KLF12: variants seen among roughly 807,000 people sequenced by gnomAD.
KLF12 encodes the protein KLF transcription factor 12.
KLF12 carries 9 observed loss-of-function variants against 37.8 expected under a neutral mutation model. That is an observed-to-expected ratio of 0.24 (90% CI 0.14 to 0.42). The LOEUF is 0.42. Among genes scored for constraint, KLF12 ranks in the 10% least tolerant of loss-of-function variants. The probability of loss-of-function intolerance (pLI) is 1.00; values close to 1 mark genes in which losing one functional copy is unlikely to be tolerated. For missense variants in KLF12, 411 were observed against 516.0 expected (o/e 0.80, Z 1.97); for synonymous variants, 208 against 202.1 (o/e 1.03, Z -0.25).
chr13:73,890,247 G>C (rs1489117474), intron 3 of KLF12, among the ~76,000 whole-genome samples: 1 of 151,798 alleles, frequency 6.6e-6, no homozygotes, highest in Non-Finnish European at 1.5e-5. Context: ...GCTTTATTTT[G>C]GGCTATATTT....
chr13:73,724,700 A>T (rs1353289225), intron 6 of KLF12, among the ~76,000 whole-genome samples: 4 of 152,208 alleles, frequency 2.6e-5, no homozygotes, highest in Non-Finnish European at 4.4e-5. Flanking sequence ...TACCAATATG[A>T]CTCAAATTCA....
At chr13:74,276,941 C>A in the KLF12 span, among the ~76,000 whole-genome samples, 1 of 152,290 alleles carries the variant, frequency 6.6e-6, no homozygotes, top group African/African-American at 2.4e-5. Flanking sequence ...ACTTCAGGTA[C>A]CCACTTCTGC....
At chr13:73,743,549 G>A (rs1045064003) in intron 6 of KLF12, among the ~76,000 whole-genome samples, 9 of 152,116 alleles carry the variant, frequency 5.9e-5, no homozygotes, top group Admixed American at 3.9e-4. Flanking sequence ...AATTAAGGCA[G>A]GGTTGGGGGA....
intron 5 of KLF12, among the ~76,000 whole-genome samples, chr13:73,778,633 G>A (rs1880773288): frequency 6.6e-6 from 1 of 152,128 alleles, no homozygotes; most frequent in African/African-American, 2.4e-5. Flanking sequence ...CGAAAGTGCT[G>A]GGATTACAAG....
intron 1 of KLF12, among the ~76,000 whole-genome samples, chr13:74,045,500 T>G (rs759545662): frequency 6.6e-6 from 1 of 151,938 alleles, no homozygotes; most frequent in Non-Finnish European, 1.5e-5. Context: ...TAATGTGGTA[T>G]GCTAGACAGG....
At chr13:74,140,110 T>TA in the KLF12 span, among the ~76,000 whole-genome samples, 11 of 152,038 alleles carry the variant, frequency 7.2e-5, no homozygotes, top group African/African-American at 7.2e-5. Flanking sequence ...CTTCTTCTTG[T>TA]AAAAAAAATA....
chr13:74,207,978 C>T, the KLF12 span, among the ~76,000 whole-genome samples: 1 of 152,124 alleles, frequency 6.6e-6, no homozygotes, highest in Non-Finnish European at 1.5e-5. Context: ...TTTGACTCAT[C>T]ATTGAATTAG....
chr13:73,951,025 G>C (rs1361428782), intron 2 of KLF12, among the ~76,000 whole-genome samples: 1 of 152,200 alleles, frequency 6.6e-6, no homozygotes, highest in Non-Finnish European at 1.5e-5. Context: ...CAGGCACCAT[G>C]AGCCTGGGCA....
At chr13:73,760,220 AG>A (rs1879458487) in intron 6 of KLF12, among the ~76,000 whole-genome samples, 1 of 152,198 alleles carries the variant, frequency 6.6e-6, no homozygotes, top group African/African-American at 2.4e-5. Context: ...ATAAAATCTT[AG>A]GCACATTAGT....
chr13:73,810,982 C>CCT lies in KLF12; in HGVS notation c.806+2169_806+2170insAG, dbSNP rs1555308732. ...ATGTTTATTTTTTTAATTTTTCTTT[C>CCT]TTTTTTTTTTTTTTTTTTTTTTTTT... On this transcript the variant is annotated intron_variant, in intron 5 of 7. Coordinates refer to ENST00000377669, the MANE Select transcript of KLF12 (RefSeq NM_007249.5). 7.6e-3 allele frequency among the ~76,000 whole-genome samples: 342 copies of CCT among 44,816 alleles called. 2 individuals are homozygous for CCT. Among genetic ancestry groups the CCT allele is most frequent in the East Asian group, 0.029 (30 of 1,034 alleles). 29.4% of individuals were successfully genotyped at this position (44,816 alleles called of 152,430 possible).
intron 5 of KLF12, among the ~76,000 whole-genome samples, chr13:73,772,988 T>C (rs1389058577): frequency 6.6e-6 from 1 of 152,190 alleles, no homozygotes; most frequent in Non-Finnish European, 1.5e-5. Context: ...GTAACAATTT[T>C]TGGATGACAT....
the KLF12 span, among the ~76,000 whole-genome samples, chr13:74,280,476 G>A: frequency 6.6e-6 from 1 of 152,268 alleles, no homozygotes; most frequent in East Asian, 1.9e-4. Context: ...AATACACACT[G>A]GAAATTTACA....
the KLF12 span, among the ~76,000 whole-genome samples, chr13:74,213,188 G>T: frequency 6.6e-6 from 1 of 151,884 alleles, no homozygotes; most frequent in African/African-American, 2.4e-5. Flanking sequence ...AAATGGGAAC[G>T]TACTAAAACA....
chr13:74,133,952 T>C (rs541302187), upstream of KLF12, among the ~76,000 whole-genome samples: 3 of 152,022 alleles, frequency 2.0e-5, no homozygotes, highest in Non-Finnish European at 4.4e-5. Flanking sequence ...GGGGAACTGT[T>C]GTACTTGCAA....
chr13:73,843,104 A>T (rs1309539652), intron 4 of KLF12, among the ~76,000 whole-genome samples: 1 of 152,150 alleles, frequency 6.6e-6, no homozygotes, highest in Non-Finnish European at 1.5e-5. Context: ...TATTGTAAAA[A>T]CTTTGAGAAG....
the KLF12 span, among the ~76,000 whole-genome samples, chr13:74,242,126 C>G: frequency 6.6e-6 from 1 of 152,138 alleles, no homozygotes; most frequent in African/African-American, 2.4e-5. Context: ...TTACTACTTA[C>G]AGGAAGTATA....
At chr13:74,066,085 G>T (rs552675587) in intron 1 of KLF12, among the ~76,000 whole-genome samples, 1 of 152,018 alleles carries the variant, frequency 6.6e-6, no homozygotes, top group African/African-American at 2.4e-5. Context: ...GGATTGTTGT[G>T]GATTATATGC....
the KLF12 span, among the ~76,000 whole-genome samples, chr13:74,266,475 TAC>T: frequency 6.6e-6 from 1 of 152,040 alleles, no homozygotes; most frequent in Non-Finnish European, 1.5e-5. Context: ...CGTGCACATA[TAC>T]ACACACACAT....
Position 73,880,178 on chromosome 13 carries a change from T to G in KLF12, c.124-33805A>C, listed in dbSNP as rs181022173. Among the ~76,000 whole-genome samples the G allele has an allele frequency of 8.5e-5, 13 of 152,288 alleles. No homozygotes were observed. The East Asian group carries it at 1.7e-3, about 20-fold the overall frequency. On this transcript the variant is annotated intron_variant, in intron 3 of 7. Transcript: ENST00000377669. ...CTGGTCCACACCTGCTCATGAATACTTGGAAACTGACACTCAGCCCACCTG... is the reference window on the plus strand; with the variant it reads ...CTGGTCCACACCTGCTCATGAATACGTGGAAACTGACACTCAGCCCACCTG...
Sources: allele counts gnomAD v4.1 joint callset (sites outside exome capture counted in the v4.1 genomes callset), GRCh38; gene constraint gnomAD v4.1.1; transcripts MANE v1.5; gene names NCBI Gene and HGNC (gene_info 2026-07-23, HGNC 2026-07-21).